NDST1: variants seen among roughly 807,000 people sequenced by gnomAD.
The protein encoded by NDST1 is bifunctional heparan sulfate N-deacetylase/N-sulfotransferase 1.
NDST1 carries 35 observed loss-of-function variants against 92.8 expected under a neutral mutation model. That is an observed-to-expected ratio of 0.38 (90% CI 0.29 to 0.50). NDST1 has a LOEUF of 0.50. Ranked by LOEUF, NDST1 falls within the 20% of genes least tolerant of loss-of-function variation. The pLI is 0.94. For missense variants in NDST1, 822 were observed against 1,182.7 expected (o/e 0.69, Z 4.47); for synonymous variants, 493 against 500.3 (o/e 0.99, Z 0.19).
At position 150,528,190 on chromosome 5, in the gene NDST1, C is replaced by A; in HGVS notation, c.900C>A (p.Phe300Leu). ...TTGTCTTCGTGGATGCCGTGGCCTT[C>A]CTCACGGGGAAGCGCCTCTCCCTGC... The part of the protein sequence containing the change: ...HKLVFVDAVA[F>L]LTGKRLSLPL... Residue 300 changes from phenylalanine (F) to leucine (L), a missense_variant, in exon 3 of 15, where the codon TTC becomes TTA. Phe to Leu is a conservative substitution (Grantham distance 22). Coordinates refer to ENST00000261797, the MANE Select transcript of NDST1 (RefSeq NM_001543.5). The A allele has an allele frequency of 6.2e-7, 1 of 1,614,238 alleles. No homozygotes were observed. The highest frequency in any genetic ancestry group is 8.5e-7 in the Non-Finnish European group (1 of 1,180,034).
intron 2 of NDST1, among the ~76,000 whole-genome samples, chr5:150,522,157 TAA>T (rs1164569547): frequency 1.3e-5 from 2 of 152,132 alleles, no homozygotes; most frequent in Non-Finnish European, 2.9e-5. Flanking sequence ...CTCCGGGTGT[TAA>T]GTTACTTATG....
At chr5:150,528,417 A>T in intron 3 of NDST1, 119 bp downstream of exon 3, 1 of 1,160,404 alleles carries the variant, frequency 8.6e-7, no homozygotes, top group Non-Finnish European at 1.2e-6. Flanking sequence ...GTTACTTAAA[A>T]GACAGTCCCA....
At chr5:150,536,423 T>C (rs892219736) in intron 6 of NDST1, among the ~76,000 whole-genome samples, 1 of 151,672 alleles carries the variant, frequency 6.6e-6, no homozygotes, top group Non-Finnish European at 1.5e-5. Context: ...GGAGGATCAC[T>C]TGAACCTGGG....
At chr5:150,529,237 A>G (rs1391718963) in intron 3 of NDST1, among the ~76,000 whole-genome samples, 2 of 151,758 alleles carry the variant, frequency 1.3e-5, no homozygotes, top group Admixed American at 1.3e-4. Flanking sequence ...ACAAAAAATA[A>G]AACATTAGCT....
intron 4 of NDST1, among the ~76,000 whole-genome samples, chr5:150,534,478 CT>C (rs1227395928): frequency 6.6e-6 from 1 of 152,166 alleles, no homozygotes; most frequent in Admixed American, 6.5e-5. Context: ...GTCAAACATC[CT>C]GTATATATAC....
At chr5:150,502,374 C>T (rs924996438) in intron 1 of NDST1, among the ~76,000 whole-genome samples, 15 of 152,052 alleles carry the variant, frequency 9.9e-5, no homozygotes, top group African/African-American at 2.7e-4. Flanking sequence ...GAGTGTTGAC[C>T]GCAAGGTTTC....
upstream of NDST1, among the ~76,000 whole-genome samples, chr5:150,505,451 G>A (rs1005273827): frequency 6.6e-6 from 1 of 152,182 alleles, no homozygotes; most frequent in African/African-American, 2.4e-5. Flanking sequence ...TCCCAACAGG[G>A]ACCTTAAGCA....
intron 6 of NDST1, among the ~76,000 whole-genome samples, 192 bp downstream of exon 6, chr5:150,536,077 A>C (rs564861395): frequency 1.3e-4 from 20 of 152,328 alleles, no homozygotes; most frequent in African/African-American, 4.6e-4. Flanking sequence ...GACCCCTTTC[A>C]TGAGCTCTTT....
chr5:150,545,984 G>T (rs1755461506), intron 11 of NDST1, among the ~76,000 whole-genome samples: 1 of 145,034 alleles, frequency 6.9e-6, no homozygotes, highest in South Asian at 2.2e-4. Context: ...GTATGAACCA[G>T]AGCTGTCTTT....
chr5:150,535,999 A>G, intron 6 of NDST1, 114 bp downstream of exon 6: 1 of 1,299,208 alleles, frequency 7.7e-7, no homozygotes. Context: ...TAGGGGTTGC[A>G]GATCAGCTTC....
At chr5:150,540,741 A>G (rs1202627502) in intron 8 of NDST1, among the ~76,000 whole-genome samples, 1 of 151,436 alleles carries the variant, frequency 6.6e-6, no homozygotes, top group African/African-American at 2.4e-5. Context: ...AGTTGAGCCT[A>G]GAGGTTGAGG....
At chr5:150,530,761 T>C (rs1022676231) in intron 3 of NDST1, among the ~76,000 whole-genome samples, 1 of 151,974 alleles carries the variant, frequency 6.6e-6, no homozygotes, top group Non-Finnish European at 1.5e-5. Context: ...GGTTTTGCCA[T>C]ATTGCCCAGG....
At chr5:150,541,424 T>C in intron 8 of NDST1, 146 bp from the exon 9 acceptor site, 1 of 746,454 alleles carries the variant, frequency 1.3e-6, no homozygotes, top group Admixed American at 2.0e-5. Flanking sequence ...AGTGGCTCAG[T>C]GTCTGGGGGT....
chr5:150,513,618 T>G (rs1753826322), intron 1 of NDST1, among the ~76,000 whole-genome samples: 2 of 152,224 alleles, frequency 1.3e-5, no homozygotes, highest in Admixed American at 6.5e-5. Flanking sequence ...ACAGTAGGCA[T>G]GGTGTACATG....
At position 150,539,245 on chromosome 5, in the gene NDST1, C is replaced by T. The variant is rs1284171252; in HGVS notation, c.1455C>T (p.Thr485=). The T allele has an allele frequency of 1.9e-6, 3 of 1,614,192 alleles. No homozygotes were observed. Among genetic ancestry groups the T allele is most frequent in the East Asian group, 2.2e-5 (1 of 44,880 alleles). The change falls in exon 7 of 15, where the codon ACC becomes ACT. Residue 485 remains threonine, a synonymous_variant. Coordinates refer to ENST00000261797, the MANE Select transcript of NDST1 (RefSeq NM_001543.5). ...CTCCTCAGGTTCTCCCACGGCAGACCTGCGGCCTCTTCACACACACCATCT... is the reference window on the plus strand; with the variant it reads ...CTCCTCAGGTTCTCCCACGGCAGACTTGCGGCCTCTTCACACACACCATCT... ...HNGIMVLPRQ[T]CGLFTHTIFY...
At chr5:150,545,681 C>T (rs1310558221) in intron 11 of NDST1, among the ~76,000 whole-genome samples, 195 bp downstream of exon 11, 5 of 152,268 alleles carry the variant, frequency 3.3e-5, no homozygotes, top group African/African-American at 1.2e-4. Flanking sequence ...AAGCCAGCCA[C>T]CAGTTGACTG....
At chr5:150,550,355 T>G (rs1477358117) in intron 13 of NDST1, 4 of 157,630 alleles carry the variant, frequency 2.5e-5, no homozygotes, top group Non-Finnish European at 5.6e-5. Context: ...CCCAAAGTTC[T>G]GGGATTACAG....
chr5:150,500,301 T>G (rs1271321911), intron 1 of NDST1, among the ~76,000 whole-genome samples: 1 of 152,208 alleles, frequency 6.6e-6, no homozygotes, highest in Non-Finnish European at 1.5e-5. Context: ...AGGGGGTCTA[T>G]AGACCACTCT....
intron 4 of NDST1, 149 bp from the exon 5 acceptor site, chr5:150,534,718 C>A: frequency 1.1e-6 from 1 of 907,434 alleles, no homozygotes; most frequent in Non-Finnish European, 1.7e-6. Context: ...TGGGCTGGGG[C>A]TCTGTCTGCT....
Sources: allele counts gnomAD v4.1 joint callset (sites outside exome capture counted in the v4.1 genomes callset), GRCh38; gene constraint gnomAD v4.1.1; transcripts MANE v1.5; gene names NCBI Gene and HGNC (gene_info 2026-07-23, HGNC 2026-07-21).